GLS2: variants seen among roughly 807,000 people sequenced by gnomAD.
GLS2 encodes the protein glutaminase liver isoform, mitochondrial.
Under a neutral mutation model 79.0 loss-of-function variants are expected in GLS2, and 52 were observed. That is an observed-to-expected ratio of 0.66 (90% CI 0.53 to 0.83). The LOEUF is 0.83. Ranked by LOEUF, GLS2 falls within the 40% of genes least tolerant of loss-of-function variation. The pLI is 0.00. For synonymous variants in GLS2, 238 were observed against 280.8 expected (o/e 0.85, Z 1.52); for missense variants, 561 against 764.8 (o/e 0.73, Z 3.14).
rs1156504804 is a variant in GLS2, at chr12:56,475,849, C to T, written c.870+96G>A. ...ATAAGGCTTCTAGTATGGGCTGGTGCACCTGGTAGTGGGGTTAGAGAGCCA... is the reference window on the plus strand; with the variant it reads ...ATAAGGCTTCTAGTATGGGCTGGTGTACCTGGTAGTGGGGTTAGAGAGCCA... On this transcript the variant is annotated intron_variant, in intron 8 of 17. Coordinates refer to ENST00000311966, the MANE Select transcript of GLS2 (RefSeq NM_013267.4). 2.1e-6 allele frequency: 3 copies of T among 1,439,652 alleles called. No homozygotes were observed. In the African/African-American group the frequency reaches 4.2e-5, roughly 20 times the overall value. 89.2% of individuals were successfully genotyped at this position (1,439,652 alleles called of 1,614,324 possible).
chr12:56,485,164 A>G (rs1208853757), intron 1 of GLS2, among the ~76,000 whole-genome samples: 14 of 152,206 alleles, frequency 9.2e-5, no homozygotes, highest in African/African-American at 2.4e-5. Flanking sequence ...GTTAAATTAC[A>G]TATACATATA....
intron 1 of GLS2, among the ~76,000 whole-genome samples, chr12:56,485,401 C>T (rs907545458): frequency 1.3e-5 from 2 of 151,890 alleles, no homozygotes; most frequent in Admixed American, 6.6e-5. Context: ...GGACTACAGG[C>T]ATGCGCCACC....
Position 56,479,054 on chromosome 12 carries a change from T to G in GLS2, c.532A>C (p.Lys178Gln). 6.2e-7 allele frequency: 1 copy of G among 1,613,342 alleles called. No individual in the cohort carries two copies. The highest frequency in any genetic ancestry group is 8.5e-7 in the Non-Finnish European group (1 of 1,179,818). ...FEDVKELTGG[K>Q]VAAYIPQLAK... ...TCCCTTAGTCCCCTGACTCTCACTT[T>G]GCCTCCAGTGAGCTCTTTGACATCC... The change falls in exon 4 of 18, where the codon AAA becomes CAA. Residue 178 changes from lysine to glutamine, a missense_variant and splice_region_variant. Lys to Gln is a moderately conservative substitution (Grantham distance 53). Around this residue, in one of 4 missense-constraint regions of GLS2, gnomAD observed 43 missense variants for 92.8 expected, o/e 0.46. Coordinates refer to ENST00000311966, the MANE Select transcript of GLS2 (RefSeq NM_013267.4).
intron 3 of GLS2, 188 bp downstream of exon 3, chr12:56,479,592 G>T: frequency 1.5e-6 from 1 of 652,630 alleles, no homozygotes; most frequent in Non-Finnish European, 2.3e-6. Context: ...AGTAGGGAGG[G>T]AAAGGAGAAC....
In GLS2 at chr12:56,475,286, A is replaced by C; in HGVS notation, c.930-176T>G. ...TTCTGAACCTGAGCAAACACTCAGCATAGTTTTGTTATAAAGTAAACCCAA... is the reference window on the plus strand; with the variant it reads ...TTCTGAACCTGAGCAAACACTCAGCCTAGTTTTGTTATAAAGTAAACCCAA... On this transcript the variant is annotated intron_variant, in intron 9 of 17. Coordinates refer to ENST00000311966, the MANE Select transcript of GLS2 (RefSeq NM_013267.4). The C allele has an allele frequency of 3.4e-6, 5 of 1,484,700 alleles. No individual in the cohort carries two copies. The South Asian group carries it at 6.2e-5, about 18-fold the overall frequency. 92.0% of individuals were successfully genotyped at this position (1,484,700 alleles called of 1,614,324 possible).
At chr12:56,481,921 A>T (rs1303995825) in intron 1 of GLS2, among the ~76,000 whole-genome samples, 1 of 150,294 alleles carries the variant, frequency 6.7e-6, no homozygotes, top group Non-Finnish European at 1.5e-5. Flanking sequence ...TTGGTAGGAC[A>T]TCAAAAGCTC....
intron 10 of GLS2, 41 bp from the exon 11 acceptor site, chr12:56,474,937 C>T (rs1038197951): frequency 1.2e-6 from 2 of 1,613,990 alleles, no homozygotes; most frequent in Admixed American, 3.3e-5. Context: ...TTCAGGACAT[C>T]AGCCCTTTCA....
intron 8 of GLS2, 114 bp from the exon 9 acceptor site, chr12:56,475,796 A>G: frequency 4.0e-6 from 5 of 1,248,666 alleles, no homozygotes; most frequent in Non-Finnish European, 5.8e-6. Flanking sequence ...TTCCTCTCTG[A>G]GGCCAGCAGA....
At chr12:56,474,417 A>G in intron 12 of GLS2, 127 bp downstream of exon 12, 1 of 1,153,930 alleles carries the variant, frequency 8.7e-7, no homozygotes, top group Non-Finnish European at 1.2e-6. Flanking sequence ...GTCTCAACCT[A>G]ATTGCCTTCC....
chr12:56,485,647 T>C (rs576560678), intron 1 of GLS2, among the ~76,000 whole-genome samples: 161 of 152,324 alleles, frequency 1.1e-3, no homozygotes, highest in Non-Finnish European at 2.0e-3. Context: ...CACAGGATTA[T>C]AGTGATCAGA....
At position 56,480,313 on chromosome 12, in the gene GLS2, C is replaced by T. The variant is rs752285913; in HGVS notation, c.257G>A (p.Arg86Gln). Residue 86 changes from arginine (R) to glutamine (Q), a missense_variant, in exon 2 of 18, where the codon CGA (arginine) becomes CAA (glutamine). Around this residue, in one of 4 missense-constraint regions of GLS2, gnomAD observed 161 missense variants for 167.8 expected, o/e 0.96. Transcript: ENST00000311966. ...LFYTIAEGQE[R>Q]IPIHKFTTAL... The stretch of plus-strand genomic sequence containing the variant: ...AGTGGTGAACTTGTGGATAGGGATT[C>T]GTTCCTGTCCTTCAGCAATAGTGTA... 53 of 1,613,948 alleles carry T rather than the reference C, an allele frequency of 3.3e-5. No individual in the cohort carries two copies. The highest frequency in any genetic ancestry group is 2.7e-4 in the East Asian group (12 of 44,896).
intron 16 of GLS2, 123 bp downstream of exon 16, chr12:56,471,996 G>GTGTCTAGATAAAA: frequency 5.4e-6 from 7 of 1,285,050 alleles, no homozygotes; most frequent in Non-Finnish European, 7.8e-6. Flanking sequence ...AAACCGAAGG[G>GTGTCTAGATAAAA]TGTCTAGATA....
chr12:56,479,492 T>C (rs1870113155), intron 3 of GLS2: 1 of 389,604 alleles, frequency 2.6e-6, no homozygotes, highest in African/African-American at 2.1e-5. Context: ...TTATATATAT[T>C]CATGTATGTA....
intron 1 of GLS2, among the ~76,000 whole-genome samples, chr12:56,485,848 C>T (rs928377652): frequency 4.6e-5 from 7 of 151,754 alleles, no homozygotes; most frequent in Non-Finnish European, 1.0e-4. Flanking sequence ...TTGAGACCAG[C>T]CTGGCCAACA....
At chr12:56,479,398 G>C (rs895996124) in intron 3 of GLS2, 1 of 509,988 alleles carries the variant, frequency 2.0e-6, no homozygotes, top group Admixed American at 3.8e-5. Context: ...TATGTCTTGG[G>C]ATATGAGAAA....
At chr12:56,479,632 G>T in intron 3 of GLS2, 148 bp downstream of exon 3, 1 of 922,314 alleles carries the variant, frequency 1.1e-6, no homozygotes, top group Non-Finnish European at 1.5e-6. Context: ...GAACTCTTAT[G>T]ATGAGTATTC....
chr12:56,477,952 C>T lies in GLS2; in HGVS notation c.759G>A (p.Lys253=). ...GCTCACCTTCCTCATTGAGGGAGAG[C>T]TTGTTGTAGCGCAGGCCACTTGGCT... The part of the protein sequence containing the change: ...GKEPSGLRYN[K]LSLNEEGIPH... Residue 253 remains lysine (K), a synonymous_variant, in exon 6 of 18, where the codon AAG becomes AAA. Coordinates refer to ENST00000311966, the MANE Select transcript of GLS2 (RefSeq NM_013267.4). The T allele has an allele frequency of 6.2e-7, 1 of 1,613,490 alleles. No homozygotes were observed. The highest frequency in any genetic ancestry group is 8.5e-7 in the Non-Finnish European group (1 of 1,179,588).
In GLS2 at chr12:56,472,672, T is replaced by C; in HGVS notation, c.1511+18A>G. On this transcript the variant is annotated intron_variant, in intron 15 of 17. Transcript: ENST00000311966. The stretch of plus-strand genomic sequence containing the variant: ...CCAGGAGTATTTTATTGTGTATATT[T>C]GGTCACAGTAGCATTACCTTCGAAG... The C allele has an allele frequency of 6.2e-7, 1 of 1,610,298 alleles. No homozygotes were observed. The highest frequency in any genetic ancestry group is 1.1e-5 in the South Asian group (1 of 91,004).
chr12:56,487,897 G>A, intron 1 of GLS2, 40 bp downstream of exon 1: 3 of 1,576,718 alleles, frequency 1.9e-6, no homozygotes, highest in African/African-American at 2.7e-5. Flanking sequence ...CAGTGGGAGT[G>A]GGGGCAAGCC....
Sources: allele counts gnomAD v4.1 joint callset (sites outside exome capture counted in the v4.1 genomes callset), GRCh38; gene constraint gnomAD v4.1.1; regional missense constraint gnomAD v4.1.1; transcripts MANE v1.5; gene names NCBI Gene and HGNC (gene_info 2026-07-23, HGNC 2026-07-21).